ADGRE5: variants seen among roughly 807,000 people sequenced by gnomAD.
ADGRE5 encodes the protein CD97 molecule.
ADGRE5 carries 72 observed loss-of-function variants against 100.3 expected under a neutral mutation model. That is an observed-to-expected ratio of 0.72 (90% CI 0.59 to 0.87). The LOEUF is 0.87. ADGRE5 is among the 40% of genes least tolerant of loss of function. The pLI is 0.00. For synonymous variants in ADGRE5, 439 were observed against 447.8 expected (o/e 0.98, Z 0.25); for missense variants, 959 against 1,094.7 (o/e 0.88, Z 1.75).
chr19:14,390,681 C>T (rs754980648), intron 3 of ADGRE5, among the ~76,000 whole-genome samples: 1 of 152,154 alleles, frequency 6.6e-6, no homozygotes. Flanking sequence ...AGCTTCCTGT[C>T]CATCCCTCAC....
At chr19:14,389,736 CAA>C (rs770658799) in intron 3 of ADGRE5, among the ~76,000 whole-genome samples, 2 of 123,086 alleles carry the variant, frequency 1.6e-5, no homozygotes, top group African/African-American at 3.0e-5. Context: ...GACTTTGTCT[CAA>C]AAAAAAAAAA....
Position 14,396,508 on chromosome 19 carries a change from G to A in ADGRE5, c.478+35G>A, listed in dbSNP as rs199941263. 1.2e-4 allele frequency: 200 copies of A among 1,613,450 alleles called. No homozygotes were observed. The South Asian group carries it at 1.8e-3, about 15-fold the overall frequency. ...CCAGGAAGACGCCGTGAGGCTGGAC[G>A]GGAGCTGGGGATGGAGCTGAGGCAC... On this transcript the variant is annotated intron_variant, in intron 5 of 19. Transcript: ENST00000242786.
chr19:14,383,863 A>G (rs1975244175), intron 1 of ADGRE5, among the ~76,000 whole-genome samples: 1 of 151,792 alleles, frequency 6.6e-6, no homozygotes, highest in African/African-American at 2.4e-5. Context: ...GGCCCTGAGG[A>G]CCTCAATCCC....
At chr19:14,407,269 C>A in intron 18 of ADGRE5, 40 bp downstream of exon 18, 1 of 1,609,998 alleles carries the variant, frequency 6.2e-7, no homozygotes, top group Non-Finnish European at 8.5e-7. Context: ...TGTCATCCTC[C>A]CACCTATTTG....
chr19:14,408,397 G>A lies in ADGRE5; in HGVS notation c.*276G>A. The stretch of plus-strand genomic sequence containing the variant: ...GGGGCTGGCCCAGGGCTGCAATGCA[G>A]CATGTTGCCCTGGCACCTGTGGCCA... On this transcript the variant is annotated 3_prime_UTR_variant, in exon 20 of 20. Transcript: ENST00000242786. The A allele has an allele frequency of 1.7e-6, 1 of 598,194 alleles. No homozygotes were observed. The highest frequency in any genetic ancestry group is 3.0e-6 in the Non-Finnish European group (1 of 334,672). The allele number at this position is 598,194 out of a possible 1,614,324, so 37.1% of individuals were successfully genotyped here.
rs1568320596 is a variant in ADGRE5, at chr19:14,406,546, C to T, written c.2037C>T (p.Gly679=). ...VSAAIYSKGY[G]RPRYCWLDFE... ...CTGCCATCTACAGCAAGGGCTACGG[C>T]CGCCCCAGATAGTGAGTGCAGCGAG... Residue 679 remains glycine, a synonymous_variant, in exon 15 of 20, where the codon GGC becomes GGT. Transcript: ENST00000242786. The surrounding 1 kb of genome is among the most constrained non-coding windows in gnomAD (Gnocchi z 6.0). The T allele has an allele frequency of 6.3e-7, 1 of 1,587,030 alleles. No homozygotes were observed. Among genetic ancestry groups the T allele is most frequent in the Middle Eastern group, 1.7e-4 (1 of 6,028 alleles).
At chr19:14,387,675 C>T (rs1010388759) in intron 1 of ADGRE5, among the ~76,000 whole-genome samples, 19 of 151,632 alleles carry the variant, frequency 1.3e-4, no homozygotes, top group African/African-American at 4.4e-4. Context: ...TTGCAGTGAG[C>T]TGAGATCATG....
In ADGRE5 at chr19:14,405,054, A is replaced by C. The variant is rs917879539; in HGVS notation, c.1629+492A>C. On this transcript the variant is annotated intron_variant, in intron 13 of 19. Transcript: ENST00000242786. ...GAGACAGGGTTTCACCATGTTGCCC[A>C]GGCTAGTCTCAAACTCCTGACCTCA... is the stretch of plus-strand genomic sequence containing the variant. 3 of 159,506 alleles carry C rather than the reference A, an allele frequency of 1.9e-5. No homozygotes were observed. The Admixed American group carries it at 2.0e-4, about 10-fold the overall frequency. 9.9% of individuals were successfully genotyped at this position (159,506 alleles called of 1,614,324 possible). A position where few individuals can be genotyped will look rare whatever the true frequency, so the allele number is the denominator to read the frequency against.
Position 14,401,675 on chromosome 19 carries a change from G to A in ADGRE5, c.1098G>A (p.Glu366=). 1 of 1,596,112 alleles carries A rather than the reference G, an allele frequency of 6.3e-7. No homozygotes were observed. The highest frequency in any genetic ancestry group is 8.5e-7 in the Non-Finnish European group (1 of 1,171,414). The change falls in exon 11 of 20, where the codon GAG becomes GAA. Residue 366 remains glutamate, a synonymous_variant. Transcript: ENST00000242786. This position sits in a 1 kb window ranked among gnomAD's most constrained non-coding sequence, Gnocchi z 4.1. The part of the protein sequence containing the change: ...SNTELTLMIQ[E]RGDKNVTMGQ... Reference sequence around the variant, plus strand: ...CAGAGCTGACCCTGATGATCCAGGAGCGGGGGGACAAGAACGTCACTATGG... The same window carrying A: ...CAGAGCTGACCCTGATGATCCAGGAACGGGGGGACAAGAACGTCACTATGG...
chr19:14,404,366 C>G lies in ADGRE5; in HGVS notation c.1450-17C>G. The G allele has an allele frequency of 6.2e-7, 1 of 1,600,362 alleles. No homozygotes were observed. Among genetic ancestry groups the G allele is most frequent in the East Asian group, 2.2e-5 (1 of 44,594 alleles). ...AGCTCCAGGCCAACCTTTCTGACCACCCCCATCTGCCCACAGGACGTGATG... is the reference window on the plus strand; with the variant it reads ...AGCTCCAGGCCAACCTTTCTGACCAGCCCCATCTGCCCACAGGACGTGATG... On this transcript the variant is annotated splice_polypyrimidine_tract_variant and intron_variant, in intron 12 of 19. Transcript: ENST00000242786.
chr19:14,406,497 C>G lies in ADGRE5; in HGVS notation c.1988C>G (p.Pro663Arg). 1 of 1,565,848 alleles carries G rather than the reference C, an allele frequency of 6.4e-7. No homozygotes were observed. The highest frequency in any genetic ancestry group is 8.7e-7 in the Non-Finnish European group (1 of 1,155,450). The stretch of plus-strand genomic sequence containing the variant: ...CTCTGCCTGATCGGCTATGGCGTGC[C>G]CCTGCTCATCGTGGGCGTCTCGGCT... Reference protein sequence around the residue: ...RWLCLIGYGVPLLIVGVSAAI... With the variant: ...RWLCLIGYGVRLLIVGVSAAI... Residue 663 changes from proline to arginine, a missense_variant, in exon 15 of 20, where the codon CCC (proline) becomes CGC (arginine). By Grantham distance (103) the Pro-to-Arg change is moderately radical. Around this residue, in one of 6 missense-constraint regions of ADGRE5, gnomAD observed 428 missense variants for 386.2 expected, o/e 1.11. Coordinates refer to ENST00000242786, the MANE Select transcript of ADGRE5 (RefSeq NM_078481.4). This position sits in a 1 kb window ranked among gnomAD's most constrained non-coding sequence, Gnocchi z 6.0.
At chr19:14,390,348 G>C (rs1338797277) in intron 3 of ADGRE5, among the ~76,000 whole-genome samples, 1 of 144,856 alleles carries the variant, frequency 6.9e-6, no homozygotes, top group Non-Finnish European at 1.5e-5. Flanking sequence ...TTTTGAGACA[G>C]AGTCTCACTC....
intron 9 of ADGRE5, among the ~76,000 whole-genome samples, chr19:14,399,140 T>C (rs761966952): frequency 5.6e-4 from 85 of 151,810 alleles, no homozygotes; most frequent in Middle Eastern, 6.8e-3. Context: ...AGCCACTGTG[T>C]CTGGCCAGTT....
chr19:14,406,504 C>T lies in ADGRE5; in HGVS notation c.1995C>T (p.Leu665=), dbSNP rs1424356363. 7 of 1,566,552 alleles carry T rather than the reference C, an allele frequency of 4.5e-6. No individual in the cohort carries two copies. Among genetic ancestry groups the T allele is most frequent in the Non-Finnish European group, 6.1e-6 (7 of 1,155,842 alleles). The change falls in exon 15 of 20, where the codon CTC becomes CTT. Residue 665 remains leucine, a synonymous_variant. Coordinates refer to ENST00000242786, the MANE Select transcript of ADGRE5 (RefSeq NM_078481.4). The surrounding 1 kb of genome is among the most constrained non-coding windows in gnomAD (Gnocchi z 6.0). ...TGATCGGCTATGGCGTGCCCCTGCT[C>T]ATCGTGGGCGTCTCGGCTGCCATCT... is the stretch of plus-strand genomic sequence containing the variant. The part of the protein sequence containing the change: ...LCLIGYGVPL[L]IVGVSAAIYS...
chr19:14,395,475 C>A (rs1385982331), intron 4 of ADGRE5, among the ~76,000 whole-genome samples: 1 of 152,108 alleles, frequency 6.6e-6, no homozygotes, highest in Non-Finnish European at 1.5e-5. Flanking sequence ...AAGCTTGAAC[C>A]CCATTCAGCA....
chr19:14,408,078 G>A lies in ADGRE5; in HGVS notation c.2479-14G>A. 1 of 1,614,020 alleles carries A rather than the reference G, an allele frequency of 6.2e-7. No homozygotes were observed. Among genetic ancestry groups the A allele is most frequent in the South Asian group, 1.1e-5 (1 of 91,086 alleles). ...GGGCTAGCGGGGCTCAGGCCTCTGGGCTCTCCTCTCCAGGCCCTCAGGGCA... is the reference window on the plus strand; with the variant it reads ...GGGCTAGCGGGGCTCAGGCCTCTGGACTCTCCTCTCCAGGCCCTCAGGGCA... On this transcript the variant is annotated splice_polypyrimidine_tract_variant and intron_variant, in intron 19 of 19. Transcript: ENST00000242786.
chr19:14,406,834 C>T lies in ADGRE5; in HGVS notation c.2116-35C>T. ...GCCCAGGCCCGGCTGGACCATCGCT[C>T]TCGCCCTCTAACCCACAATCTGCTC... On this transcript the variant is annotated intron_variant, in intron 16 of 19. Coordinates refer to ENST00000242786, the MANE Select transcript of ADGRE5 (RefSeq NM_078481.4). The surrounding 1 kb of genome is among the most constrained non-coding windows in gnomAD (Gnocchi z 6.0). 1.2e-6 allele frequency: 2 copies of T among 1,612,162 alleles called. No homozygotes were observed. Among genetic ancestry groups the T allele is most frequent in the South Asian group, 1.1e-5 (1 of 91,068 alleles).
chr19:14,407,883 CCT>C, intron 18 of ADGRE5, 23 bp from the exon 19 acceptor site: 2 of 1,606,832 alleles, frequency 1.2e-6, no homozygotes, highest in Non-Finnish European at 1.7e-6. Context: ...CTGCTCCTGC[CCT>C]GACTTGGTGT....
intron 1 of ADGRE5, among the ~76,000 whole-genome samples, chr19:14,383,316 C>T (rs1364621557): frequency 6.6e-6 from 1 of 151,926 alleles, no homozygotes; most frequent in East Asian, 1.9e-4. Context: ...ACCAGCCTGG[C>T]CAACATGGTG....
Sources: gnomAD v4.1 joint callset for allele counts (sites outside exome capture counted in the v4.1 genomes callset) on GRCh38, gnomAD v4.1.1 for gene constraint, gnomAD v4.1.1 regional missense constraint, Gnocchi (gnomAD v3.1) non-coding constraint, MANE v1.5 for transcripts, NCBI Gene and HGNC (gene_info 2026-07-23, HGNC 2026-07-21) for gene names.